LARGE1: variants seen among roughly 807,000 people sequenced by gnomAD.
The protein encoded by LARGE1 is LARGE xylosyl- and glucuronyltransferase 1, also known as xylosyl- and glucuronyltransferase LARGE1.
A neutral mutation model predicts 87.6 loss-of-function variants in LARGE1; 43 were observed. That is an observed-to-expected ratio of 0.49 (90% CI 0.38 to 0.63). The LOEUF is 0.63. LARGE1 is among the 30% of genes least tolerant of loss of function. LARGE1 has a pLI of 0.00. For missense variants in LARGE1, 802 were observed against 1,000.2 expected (o/e 0.80, Z 2.67); for synonymous variants, 434 against 394.6 (o/e 1.10, Z -1.18).
intron 11 of LARGE1, among the ~76,000 whole-genome samples, chr22:33,243,189 A>G (rs537724865): frequency 7.2e-5 from 11 of 152,264 alleles, no homozygotes; most frequent in Non-Finnish European, 1.6e-4. Flanking sequence ...AGAATTAACA[A>G]TAACCATTGA....
At chr22:33,634,988 G>A (rs542511351) in intron 3 of LARGE1, among the ~76,000 whole-genome samples, 97 of 152,126 alleles carry the variant, frequency 6.4e-4, no homozygotes, top group Non-Finnish European at 1.2e-3. Context: ...CGCAGTGGCG[G>A]GCACCTGTAA....
At chr22:33,585,854 A>G (rs1488496086) in intron 5 of LARGE1, among the ~76,000 whole-genome samples, 1 of 152,138 alleles carries the variant, frequency 6.6e-6, no homozygotes, top group Admixed American at 6.5e-5. Context: ...TATGCTCACC[A>G]CGCCCGGCTA....
chr22:33,883,702 C>T (rs2064764019), intron 1 of LARGE1, among the ~76,000 whole-genome samples: 1 of 152,254 alleles, frequency 6.6e-6, no homozygotes, highest in African/African-American at 2.4e-5. Flanking sequence ...GGCCTTTGCA[C>T]TGGCATGGGC....
chr22:33,249,933 A>G (rs1926938631), intron 11 of LARGE1, among the ~76,000 whole-genome samples: 1 of 152,194 alleles, frequency 6.6e-6, no homozygotes, highest in Non-Finnish European at 1.5e-5. Context: ...CTTGATTACT[A>G]TCACTTTATA....
chr22:33,876,324 C>T (rs990654348), intron 1 of LARGE1, among the ~76,000 whole-genome samples: 1 of 151,804 alleles, frequency 6.6e-6, no homozygotes, highest in African/African-American at 2.4e-5. Context: ...TTTATGGAGT[C>T]ACAAATCAGG....
rs144490205 is a variant in LARGE1 at position 33,355,153 on chromosome 22, C to T, written c.1132-17352G>A. Among the ~76,000 whole-genome samples, 5 of 152,324 alleles carry T rather than the reference C, an allele frequency of 3.3e-5. No individual in the cohort carries two copies. The East Asian group carries it at 9.7e-4, about 29-fold the overall frequency. The stretch of plus-strand genomic sequence containing the variant: ...CACAGCCTGAACTCTCTGCTTATCT[C>T]CTTGTTATTTCTGGACACCATGATC... On this transcript the variant is annotated intron_variant, in intron 9 of 14. Transcript: ENST00000397394.
At chr22:33,434,267 G>C (rs1465859159) in intron 6 of LARGE1, among the ~76,000 whole-genome samples, 1 of 152,162 alleles carries the variant, frequency 6.6e-6, no homozygotes, top group African/African-American at 2.4e-5. Flanking sequence ...TAATTATTAA[G>C]ATAATTACTA....
chr22:33,341,838 C>T (rs901840612), intron 9 of LARGE1, among the ~76,000 whole-genome samples: 2 of 152,154 alleles, frequency 1.3e-5, no homozygotes, highest in Admixed American at 6.5e-5. Flanking sequence ...AAATGCCTAG[C>T]TCAGTGCTTC....
chr22:33,192,429 A>G (rs1402583065), intron 11 of LARGE1, among the ~76,000 whole-genome samples: 1 of 152,106 alleles, frequency 6.6e-6, no homozygotes, highest in Non-Finnish European at 1.5e-5. Context: ...AGTGATGCTG[A>G]GCATTTTTTT....
chr22:33,811,192 C>G (rs1228204937), intron 1 of LARGE1, among the ~76,000 whole-genome samples: 1 of 152,178 alleles, frequency 6.6e-6, no homozygotes, highest in Non-Finnish European at 1.5e-5. Flanking sequence ...ATTAGACCAC[C>G]AGCTGTGGTG....
chr22:33,537,014 C>T (rs746961227), intron 6 of LARGE1, among the ~76,000 whole-genome samples: 1 of 152,164 alleles, frequency 6.6e-6, no homozygotes. Flanking sequence ...TTTCACCATG[C>T]TGGTCAGGCT....
At chr22:33,832,589 G>A (rs1318477455) in intron 1 of LARGE1, among the ~76,000 whole-genome samples, 1 of 152,188 alleles carries the variant, frequency 6.6e-6, no homozygotes, top group Non-Finnish European at 1.5e-5. Context: ...AGGAAGGGTC[G>A]ATTAAGATGC....
At chr22:33,248,341 C>G (rs1200031446) in intron 11 of LARGE1, among the ~76,000 whole-genome samples, 1 of 152,136 alleles carries the variant, frequency 6.6e-6, no homozygotes, top group Non-Finnish European at 1.5e-5. Context: ...GTGCGTGCCA[C>G]CACACCTAGC....
intron 11 of LARGE1, among the ~76,000 whole-genome samples, chr22:33,246,738 A>T (rs983068193): frequency 2.0e-5 from 3 of 152,226 alleles, no homozygotes; most frequent in African/African-American, 7.2e-5. Context: ...GGATTAAACC[A>T]CTGATAGGCG....
intron 2 of LARGE1, among the ~76,000 whole-genome samples, chr22:33,687,275 G>A (rs1465514641): frequency 1.3e-5 from 2 of 151,338 alleles, no homozygotes; most frequent in East Asian, 1.9e-4. Flanking sequence ...GATTACAGGC[G>A]TGTGCCACCG....
intron 1 of LARGE1, among the ~76,000 whole-genome samples, chr22:33,820,128 G>A (rs1290027905): frequency 6.6e-6 from 1 of 152,076 alleles, no homozygotes; most frequent in Non-Finnish European, 1.5e-5. Flanking sequence ...TTATGAATTT[G>A]GGGGTCCATT....
At position 33,919,426 on chromosome 22, in the gene LARGE1, C is replaced by T. The variant is rs2065878757; in HGVS notation, c.-83+569G>A. On this transcript the variant is annotated intron_variant, in intron 1 of 14. Transcript: ENST00000397394. ...ATAGCTATACACTGATCACTCCTCA[C>T]AAGCAGCTTTGACTAACAGGAAGGA... Among the ~76,000 whole-genome samples the T allele has an allele frequency of 4.6e-5, 7 of 152,366 alleles. No homozygotes were observed. The South Asian group carries it at 1.4e-3, about 32-fold the overall frequency.
intron 1 of LARGE1, chr22:33,873,160 T>C (rs2064352584): frequency 6.6e-6 from 1 of 152,260 alleles, no homozygotes; most frequent in Non-Finnish European, 1.5e-5. Flanking sequence ...GGGTGCAGAT[T>C]TGGCCAGATG....
At chr22:33,792,197 G>A (rs753544526) in intron 1 of LARGE1, among the ~76,000 whole-genome samples, 3 of 152,250 alleles carry the variant, frequency 2.0e-5, no homozygotes, top group African/African-American at 7.2e-5. Context: ...ATCTCATCTT[G>A]AACTGTAGTT....
Sources: allele counts gnomAD v4.1 joint callset (sites outside exome capture counted in the v4.1 genomes callset), GRCh38; gene constraint gnomAD v4.1.1; transcripts MANE v1.5; gene names NCBI Gene and HGNC (gene_info 2026-07-23, HGNC 2026-07-21).